The following EPM2A variants were observed in gnomAD, a reference collection of about 807,000 sequenced individuals.
EPM2A encodes laforin.
In EPM2A, 21 loss-of-function variants were observed where a neutral mutation model predicts 26.5. The ratio of observed to expected loss-of-function variants is 0.79; its 90% CI spans 0.56 to 1.14. EPM2A has a LOEUF of 1.14. Among genes scored for constraint, EPM2A ranks in the 50% most tolerant of loss-of-function variants. The pLI is 0.00. For synonymous variants in EPM2A, 217 were observed against 177.6 expected (o/e 1.22, Z -1.76); for missense variants, 458 against 440.8 (o/e 1.04, Z -0.35).
At chr6:145,441,349 C>T (rs111294826) in intron 4 of EPM2A, among the ~76,000 whole-genome samples, 11,840 of 152,190 alleles carry the variant, frequency 0.078, 481 homozygotes, top group Admixed American at 0.095. Flanking sequence ...CCATTTTTTC[C>T]TCCTAGGCCT....
At chr6:145,685,325 T>C (rs975517390) in intron 2 of EPM2A, among the ~76,000 whole-genome samples, 9 of 152,016 alleles carry the variant, frequency 5.9e-5, no homozygotes, top group Non-Finnish European at 1.3e-4. Context: ...CTGTGAAAAA[T>C]TGATGGGTCA....
intron 2 of EPM2A, among the ~76,000 whole-genome samples, chr6:145,529,029 T>G (rs1390856215): frequency 6.6e-6 from 1 of 152,134 alleles, no homozygotes; most frequent in East Asian, 1.9e-4. Flanking sequence ...AGAAAATAAC[T>G]AGAGTCAGTC....
At chr6:145,427,736 T>G (rs1313350810) in intron 4 of EPM2A, among the ~76,000 whole-genome samples, 2 of 152,216 alleles carry the variant, frequency 1.3e-5, no homozygotes. Context: ...CTATACTTTT[T>G]CAATATGTAA....
intron 2 of EPM2A, among the ~76,000 whole-genome samples, chr6:145,610,139 G>A (rs1183953858): frequency 1.3e-5 from 2 of 151,924 alleles, no homozygotes; most frequent in Non-Finnish European, 2.9e-5. Flanking sequence ...GCTTAAACCC[G>A]GGAGGAGGAG....
At chr6:145,576,897 GT>G (rs1640559033) in intron 2 of EPM2A, among the ~76,000 whole-genome samples, 2 of 151,774 alleles carry the variant, frequency 1.3e-5, no homozygotes, top group African/African-American at 2.4e-5. Context: ...AAAGTGTAGA[GT>G]TTTTTTAGGT....
At chr6:145,574,604 G>A (rs10457784) in intron 2 of EPM2A, among the ~76,000 whole-genome samples, 2,288 of 152,232 alleles carry the variant, frequency 0.015, 28 homozygotes, top group Non-Finnish European at 0.02. Flanking sequence ...TCCCAGCTGG[G>A]ATGAGTAGGT....
At chr6:145,469,021 T>C (rs562830098) in intron 4 of EPM2A, among the ~76,000 whole-genome samples, 2 of 152,268 alleles carry the variant, frequency 1.3e-5, no homozygotes, top group East Asian at 3.9e-4. Context: ...CATACAGCTA[T>C]AAAGAACTGC....
chr6:145,549,784 AAG>A (rs1210647488), intron 2 of EPM2A, among the ~76,000 whole-genome samples: 1 of 152,088 alleles, frequency 6.6e-6, no homozygotes, highest in African/African-American at 2.4e-5. Flanking sequence ...GTCCCAAAAC[AAG>A]AGAGTGTGTA....
intron 2 of EPM2A, among the ~76,000 whole-genome samples, chr6:145,560,058 T>C (rs1205444909): frequency 6.6e-6 from 1 of 152,132 alleles, no homozygotes; most frequent in Non-Finnish European, 1.5e-5. Context: ...AGCCAGGTTC[T>C]TCTTCACATC....
chr6:145,454,702 A>T (rs1215523631), intron 4 of EPM2A, among the ~76,000 whole-genome samples: 42 of 152,170 alleles, frequency 2.8e-4, no homozygotes, highest in Admixed American at 2.7e-3. Context: ...TGGGCTTGAG[A>T]TCTGAATTCA....
At position 145,443,397 on chromosome 6, in the gene EPM2A, T is replaced by C. The variant is rs1779092854; in HGVS notation, c.555+59125A>G. Among the ~76,000 whole-genome samples, 2 of 152,222 alleles carry C rather than the reference T, an allele frequency of 1.3e-5. 1 individual carries two copies. Among genetic ancestry groups the C allele is most frequent in the South Asian group, 4.1e-4 (2 of 4,834 alleles). ...TTCTTCCATTTGCTTCTGTCATCTCTGATTTCTTTGAGCAGTGTTTTTTAG... is the reference window on the plus strand; with the variant it reads ...TTCTTCCATTTGCTTCTGTCATCTCCGATTTCTTTGAGCAGTGTTTTTTAG... On this transcript the variant is annotated intron_variant, in intron 4 of 4. Coordinates refer to the EPM2A transcript ENST00000638717.
At chr6:145,550,025 G>A (rs980541764) in intron 2 of EPM2A, among the ~76,000 whole-genome samples, 6 of 152,090 alleles carry the variant, frequency 3.9e-5, no homozygotes, top group Non-Finnish European at 5.9e-5. Context: ...CAGTAGAACC[G>A]AAAGTTCATA....
At chr6:145,599,172 G>C (rs1183783704) in intron 2 of EPM2A, among the ~76,000 whole-genome samples, 2 of 152,158 alleles carry the variant, frequency 1.3e-5, no homozygotes, top group Non-Finnish European at 2.9e-5. Context: ...GGTAGGAATA[G>C]CATTGAATCT....
chr6:145,444,038 A>G (rs529977743), intron 4 of EPM2A, among the ~76,000 whole-genome samples: 2 of 152,294 alleles, frequency 1.3e-5, no homozygotes, highest in South Asian at 4.1e-4. Flanking sequence ...TCAGCAGCGT[A>G]AAAATGGACT....
intron 2 of EPM2A, among the ~76,000 whole-genome samples, chr6:145,508,188 C>T (rs942438216): frequency 1.3e-5 from 2 of 152,220 alleles, no homozygotes; most frequent in Non-Finnish European, 2.9e-5. Flanking sequence ...GACAAAAGGT[C>T]TTCCAGGTGG....
chr6:145,692,821 TGTA>T (rs1781359564), intron 1 of EPM2A, among the ~76,000 whole-genome samples: 1 of 152,138 alleles, frequency 6.6e-6, no homozygotes, highest in Non-Finnish European at 1.5e-5. Flanking sequence ...ACAATAGCCT[TGTA>T]GTATAGTTTG....
chr6:145,626,218 A>G lies in EPM2A; in HGVS notation c.*1198T>C, dbSNP rs768572160. 2.0e-6 allele frequency: 2 copies of G among 991,590 alleles called. No individual in the cohort carries two copies. The highest frequency in any genetic ancestry group is 2.4e-6 in the Non-Finnish European group (2 of 833,698). 61.4% of individuals were successfully genotyped at this position (991,590 alleles called of 1,614,324 possible). On this transcript the variant is annotated 3_prime_UTR_variant, in exon 4 of 4. Coordinates refer to ENST00000367519, the MANE Select transcript of EPM2A (RefSeq NM_005670.4). ...ATGCAGGTCTGTTTCTAGGCAGCACATTTTTGAAGGCAAAGTTGTTCATCT... is the reference window on the plus strand; with the variant it reads ...ATGCAGGTCTGTTTCTAGGCAGCACGTTTTTGAAGGCAAAGTTGTTCATCT...
rs1043995855 is a variant in EPM2A, at chr6:145,512,375, A to G, written c.341-9800T>C. ...ACTACAAGGCTACAGCAACTAAAAT[A>G]CCATGGTACTGGTACTAAAATAGAC... On this transcript the variant is annotated intron_variant, in intron 2 of 3. Coordinates refer to the EPM2A transcript ENST00000450221. 2.6e-5 allele frequency among the ~76,000 whole-genome samples: 4 copies of G among 152,088 alleles called. No individual in the cohort carries two copies. The East Asian group carries it at 7.7e-4, about 29-fold the overall frequency.
At chr6:145,452,705 T>G (rs923905061) in intron 4 of EPM2A, among the ~76,000 whole-genome samples, 1 of 147,578 alleles carries the variant, frequency 6.8e-6, no homozygotes, top group African/African-American at 2.5e-5. Context: ...AAAAAAAAAA[T>G]CCAGATTTTG....
Sources: gnomAD v4.1 joint callset for allele counts (sites outside exome capture counted in the v4.1 genomes callset) on GRCh38, gnomAD v4.1.1 for gene constraint, MANE v1.5 for transcripts, NCBI Gene and HGNC (gene_info 2026-07-23, HGNC 2026-07-21) for gene names.